The following DPYD variants were observed in gnomAD, a reference collection of about 807,000 sequenced individuals.
The protein encoded by DPYD is dihydropyrimidine dehydrogenase.
DPYD carries 109 observed loss-of-function variants against 116.2 expected under a neutral mutation model. That is an observed-to-expected ratio of 0.94 (90% CI 0.80 to 1.10). The LOEUF is 1.10. Among genes scored for constraint, DPYD ranks in the 50% least tolerant of loss-of-function variants. The pLI is 0.00. For missense variants in DPYD, 1,302 were observed against 1,254.5 expected, an observed-to-expected ratio of 1.04 and a Z score of -0.57; for synonymous variants, 440 against 432.0, an observed-to-expected ratio of 1.02 and a Z score of -0.23.
chr1:97,815,987 A>T (rs1668585735), intron 3 of DPYD, among the ~76,000 whole-genome samples: 1 of 152,202 alleles, frequency 6.6e-6, no homozygotes, highest in Non-Finnish European at 1.5e-5. Context: ...ATATCTGCAC[A>T]TATCACAACA....
chr1:97,236,782 G>T (rs1488182124), intron 18 of DPYD, among the ~76,000 whole-genome samples: 1 of 152,152 alleles, frequency 6.6e-6, no homozygotes, highest in Non-Finnish European at 1.5e-5. Context: ...GCACGTTCAT[G>T]GATTACAACA....
At chr1:97,349,042 G>A (rs974562780) in intron 16 of DPYD, among the ~76,000 whole-genome samples, 1 of 152,176 alleles carries the variant, frequency 6.6e-6, no homozygotes, top group Non-Finnish European at 1.5e-5. Flanking sequence ...TAGTGATTAA[G>A]TGTACAGTCC....
At chr1:97,406,573 C>A (rs1232565321) in intron 14 of DPYD, among the ~76,000 whole-genome samples, 3 of 136,534 alleles carry the variant, frequency 2.2e-5, no homozygotes, top group Non-Finnish European at 4.6e-5. Flanking sequence ...CCCCGACAGG[C>A]CCCAGTGTGT....
At chr1:97,766,998 G>A (rs1344934615) in intron 3 of DPYD, among the ~76,000 whole-genome samples, 1 of 152,158 alleles carries the variant, frequency 6.6e-6, no homozygotes, top group Admixed American at 6.6e-5. Context: ...TACTCCCAAG[G>A]AGCAAAGGCA....
intron 19 of DPYD, among the ~76,000 whole-genome samples, chr1:97,217,589 C>T (rs965524927): frequency 1.5e-4 from 22 of 150,648 alleles, no homozygotes; most frequent in African/African-American, 5.4e-4. Context: ...AATGTGTGCC[C>T]AAATTGTTTG....
intron 8 of DPYD, among the ~76,000 whole-genome samples, chr1:97,632,492 A>C (rs933427370): frequency 4.6e-5 from 7 of 152,170 alleles, no homozygotes; most frequent in African/African-American, 1.7e-4. Context: ...AACTTGCTGA[A>C]ACCTGGACAT....
At chr1:97,510,116 CAAA>C (rs1244205514) in intron 13 of DPYD, among the ~76,000 whole-genome samples, 5 of 145,672 alleles carry the variant, frequency 3.4e-5, no homozygotes, top group South Asian at 2.2e-4. Context: ...CAAACAACAA[CAAA>C]AAAAAAAAAA....
intron 20 of DPYD, among the ~76,000 whole-genome samples, chr1:97,146,861 TC>T (rs1271151728): frequency 6.6e-6 from 1 of 152,136 alleles, no homozygotes; most frequent in Non-Finnish European, 1.5e-5. Flanking sequence ...GATAAATATA[TC>T]CAGTGGGAAA....
chr1:97,623,265 T>C (rs948815640), intron 8 of DPYD, among the ~76,000 whole-genome samples: 3 of 152,094 alleles, frequency 2.0e-5, no homozygotes, highest in African/African-American at 7.2e-5. Flanking sequence ...GAAAGCAGTC[T>C]GAATAACAAA....
At chr1:97,275,028 C>T (rs1664846437) in intron 18 of DPYD, among the ~76,000 whole-genome samples, 1 of 152,034 alleles carries the variant, frequency 6.6e-6, no homozygotes, top group Non-Finnish European at 1.5e-5. Flanking sequence ...AGAAATGCCT[C>T]TGTGTCTAAG....
intron 20 of DPYD, among the ~76,000 whole-genome samples, chr1:97,118,563 A>G (rs1409686066): frequency 2.6e-5 from 4 of 152,168 alleles, no homozygotes; most frequent in African/African-American, 9.7e-5. Context: ...TATAAGCTGC[A>G]TTGCTGTTTA....
chr1:97,145,534 G>A (rs1654553775), intron 20 of DPYD, among the ~76,000 whole-genome samples: 1 of 152,120 alleles, frequency 6.6e-6, no homozygotes, highest in Non-Finnish European at 1.5e-5. Context: ...CAATCACAGA[G>A]CACTGCAGCC....
chr1:97,109,820 TGGA>T (rs1651459920), intron 20 of DPYD, among the ~76,000 whole-genome samples: 1 of 151,662 alleles, frequency 6.6e-6, no homozygotes, highest in Admixed American at 6.6e-5. Flanking sequence ...AGATTTATAT[TGGA>T]AAGAAAATAA....
chr1:97,374,255 ATTAC>A (rs1244893283), intron 15 of DPYD, among the ~76,000 whole-genome samples: 6 of 152,178 alleles, frequency 3.9e-5, no homozygotes, highest in Non-Finnish European at 8.8e-5. Context: ...TTTTGTCTTA[ATTAC>A]TTAATAGGAA....
At chr1:97,431,911 C>T (rs1166538293) in intron 14 of DPYD, among the ~76,000 whole-genome samples, 1 of 152,140 alleles carries the variant, frequency 6.6e-6, no homozygotes, top group Non-Finnish European at 1.5e-5. Flanking sequence ...TACACTCTAT[C>T]TCCATGAGAT....
chr1:97,280,952 A>T (rs1665284148), intron 18 of DPYD, among the ~76,000 whole-genome samples: 1 of 152,188 alleles, frequency 6.6e-6, no homozygotes, highest in Non-Finnish European at 1.5e-5. Context: ...CCCCGATTTG[A>T]TCATTATACA....
chr1:97,460,589 C>A (rs1000362836), intron 13 of DPYD, among the ~76,000 whole-genome samples: 5 of 152,160 alleles, frequency 3.3e-5, no homozygotes, highest in African/African-American at 9.7e-5. Flanking sequence ...CTTCTCCCAG[C>A]CCCCATCTCT....
At chr1:97,778,370 T>G (rs145454709) in intron 3 of DPYD, among the ~76,000 whole-genome samples, 151 of 152,130 alleles carry the variant, frequency 9.9e-4, no homozygotes, top group African/African-American at 3.4e-3. Flanking sequence ...AAACATTATA[T>G]TATCTCTAAA....
chr1:97,201,337 T>G (rs1659188181), intron 19 of DPYD, among the ~76,000 whole-genome samples: 1 of 152,116 alleles, frequency 6.6e-6, no homozygotes, highest in Non-Finnish European at 1.5e-5. Context: ...ATTAAAAAAA[T>G]CAGATTTTCT....
Sources: gnomAD v4.1 joint callset for allele counts (sites outside exome capture counted in the v4.1 genomes callset) on GRCh38, gnomAD v4.1.1 for gene constraint, MANE v1.5 for transcripts, NCBI Gene and HGNC (gene_info 2026-07-23, HGNC 2026-07-21) for gene names.